Variants in RAI1 observed in about 807,000 individuals in gnomAD.
RAI1 encodes retinoic acid induced 1, also known as retinoic acid-induced protein 1.
A neutral mutation model predicts 123.8 loss-of-function variants in RAI1; 9 were observed. The observed-to-expected ratio is 0.07, with a 90% confidence interval of 0.04 to 0.13. The LOEUF is 0.13. Among genes scored for constraint, RAI1 ranks in the 10% least tolerant of loss-of-function variants. RAI1 has a pLI of 1.00. For synonymous variants in RAI1, 1,231 were observed against 1,127.3 expected (o/e 1.09, Z -1.84); for missense variants, 2,256 against 2,545.8 (o/e 0.89, Z 2.45).
chr17:17,759,288 G>C (rs949081283), intron 2 of RAI1: 1 of 152,218 alleles, frequency 6.6e-6, no homozygotes, highest in Non-Finnish European at 1.5e-5. Context: ...GGCCAACTAC[G>C]AGGAGTTGTC....
chr17:17,700,762 C>G (rs1410447344), intron 1 of RAI1, among the ~76,000 whole-genome samples: 1 of 152,154 alleles, frequency 6.6e-6, no homozygotes, highest in Non-Finnish European at 1.5e-5. Context: ...CGCCCTGCCT[C>G]GGCGGAGATC....
Position 17,801,953 on chromosome 17 carries a change from C to A in RAI1, c.5566-1803C>A. On this transcript the variant is annotated intron_variant, in intron 3 of 5. Coordinates refer to ENST00000353383, the MANE Select transcript of RAI1 (RefSeq NM_030665.4). The surrounding 1 kb of genome is among the most constrained non-coding windows in gnomAD (Gnocchi z 4.1). ...CCAGCCATGCCTGGCACATAGGAAG[C>A]TATTGTCGTTTGTTTCACTGGCTTC... is the stretch of plus-strand genomic sequence containing the variant. The A allele has an allele frequency of 2.4e-6, 1 of 420,066 alleles. No individual in the cohort carries two copies. 26.0% of individuals were successfully genotyped at this position (420,066 alleles called of 1,614,324 possible).
intron 1 of RAI1, among the ~76,000 whole-genome samples, chr17:17,711,181 T>TG (rs1375178485): frequency 1.3e-5 from 2 of 152,128 alleles, no homozygotes; most frequent in Admixed American, 6.5e-5. Context: ...TGCATGCAGG[T>TG]GGGGCGACTG....
intron 1 of RAI1, among the ~76,000 whole-genome samples, chr17:17,693,577 A>G (rs1215913226): frequency 6.6e-6 from 1 of 152,226 alleles, no homozygotes; most frequent in Non-Finnish European, 1.5e-5. Flanking sequence ...TCAAGGAGTG[A>G]TGGGGTTGCC....
intron 1 of RAI1, among the ~76,000 whole-genome samples, chr17:17,701,955 G>A (rs764372433): frequency 6.6e-6 from 1 of 152,234 alleles, no homozygotes; most frequent in East Asian, 1.9e-4. Flanking sequence ...GGGAGGCAGC[G>A]CTCGAAAGGA....
chr17:17,756,477 G>A (rs1324126200), intron 2 of RAI1, among the ~76,000 whole-genome samples: 1 of 152,182 alleles, frequency 6.6e-6, no homozygotes, highest in Non-Finnish European at 1.5e-5. Flanking sequence ...GATTACAGGT[G>A]TGAGCACTGC....
intron 2 of RAI1, among the ~76,000 whole-genome samples, chr17:17,790,343 G>A (rs912307945): frequency 6.6e-6 from 1 of 152,140 alleles, no homozygotes; most frequent in African/African-American, 2.4e-5. Flanking sequence ...GAGCATTTTT[G>A]CCTGCATTCT....
intron 4 of RAI1, among the ~76,000 whole-genome samples, chr17:17,807,756 CA>C (rs1229026412): frequency 6.6e-6 from 1 of 152,234 alleles, no homozygotes; most frequent in East Asian, 1.9e-4. Context: ...CCAGGCGTGC[CA>C]GGGGCAGGCC....
Position 17,797,289 on chromosome 17 carries a change from G to C in RAI1, c.4341G>C (p.Arg1447Ser). The change falls in exon 3 of 6, where the codon AGG becomes AGC. Residue 1447 changes from arginine to serine, a missense_variant. Arg to Ser is a moderately radical substitution (Grantham distance 110, BLOSUM62 -1). Coordinates refer to ENST00000353383, the MANE Select transcript of RAI1 (RefSeq NM_030665.4). ...PGGTALAPKK[R>S]SRKGRAGAHG... Reference sequence around the variant, plus strand: ...GGACTGCCCTGGCGCCTAAGAAGAGGAGCCGGAAAGGCCGGGCAGGGGCCC... The same window carrying C: ...GGACTGCCCTGGCGCCTAAGAAGAGCAGCCGGAAAGGCCGGGCAGGGGCCC... The C allele has an allele frequency of 6.2e-7, 1 of 1,612,852 alleles. No homozygotes were observed. The highest frequency in any genetic ancestry group is 2.2e-5 in the East Asian group (1 of 44,874).
intron 4 of RAI1, among the ~76,000 whole-genome samples, chr17:17,805,011 C>G (rs1423690487): frequency 6.6e-6 from 1 of 152,132 alleles, no homozygotes; most frequent in African/African-American, 2.4e-5. Flanking sequence ...TACAGGCGTG[C>G]ACCACCACGC....
chr17:17,731,567 G>C (rs1916273304), intron 2 of RAI1, among the ~76,000 whole-genome samples: 1 of 152,192 alleles, frequency 6.6e-6, no homozygotes, highest in African/African-American at 2.4e-5. Flanking sequence ...CTGGAGCAAA[G>C]TCTCGGCAGT....
chr17:17,794,191 A>G lies in RAI1; in HGVS notation c.1243A>G (p.Lys415Glu). Residue 415 changes from lysine (K) to glutamate (E), a missense_variant, in exon 3 of 6, where the codon AAG (lysine) becomes GAG (glutamate). Transcript: ENST00000353383. ...SSVDTQAGNCKPLQKDKLPEN... is the reference protein window; with the variant it reads ...SSVDTQAGNCEPLQKDKLPEN... ...TGTGGACACCCAGGCTGGCAACTGCAAGCCCCTTCAGAAGGACAAGCTCCC... is the reference window on the plus strand; with the variant it reads ...TGTGGACACCCAGGCTGGCAACTGCGAGCCCCTTCAGAAGGACAAGCTCCC... 6.2e-7 allele frequency: 1 copy of G among 1,613,662 alleles called. No individual in the cohort carries two copies.
In RAI1 at chr17:17,699,637, G is replaced by C. The variant is rs540807743; in HGVS notation, c.-149+17844G>C. Reference sequence around the variant, plus strand: ...ATCCATTGTCGGGGGGCCGGGGGGGGGGGAATCAAATGAATTGCCAGTGAG... The same window carrying C: ...ATCCATTGTCGGGGGGCCGGGGGGGCGGGAATCAAATGAATTGCCAGTGAG... On this transcript the variant is annotated intron_variant, in intron 1 of 5. Transcript: ENST00000353383. 9.0e-5 allele frequency among the ~76,000 whole-genome samples: 13 copies of C among 143,694 alleles called. No homozygotes were observed. In the South Asian group the frequency reaches 9.4e-4, roughly 10 times the overall value. 94.3% of individuals were successfully genotyped at this position (143,694 alleles called of 152,430 possible).
At position 17,794,875 on chromosome 17, in the gene RAI1, C is replaced by A; in HGVS notation, c.1927C>A (p.Leu643Met). Residue 643 changes from leucine (L) to methionine (M), a missense_variant, in exon 3 of 6, where the codon CTG becomes ATG. Physicochemically the swap from Leu to Met is conservative, Grantham distance 15 (BLOSUM62 2). Coordinates refer to ENST00000353383, the MANE Select transcript of RAI1 (RefSeq NM_030665.4). ...VKDSSKPPFS[L>M]ENHSACLDSV... ...GGACAGCAGCAAGCCACCCTTCTCG[C>A]TGGAGAACCACAGCGCCTGCCTGGA... 6.2e-7 allele frequency: 1 copy of A among 1,613,370 alleles called. No homozygotes were observed. Among genetic ancestry groups the A allele is most frequent in the Non-Finnish European group, 8.5e-7 (1 of 1,179,974 alleles).
chr17:17,743,335 A>G (rs1916704498), intron 2 of RAI1, among the ~76,000 whole-genome samples: 1 of 152,200 alleles, frequency 6.6e-6, no homozygotes, highest in African/African-American at 2.4e-5. Flanking sequence ...TAGGCACTTG[A>G]TAAATGGTAG....
rs554745105 is a variant in RAI1, at chr17:17,793,233, G to A, written c.285G>A (p.Pro95=). 4.8e-5 allele frequency: 78 copies of A among 1,611,468 alleles called. No individual in the cohort carries two copies. Among genetic ancestry groups the A allele is most frequent in the Admixed American group, 2.8e-4 (17 of 59,902 alleles). The change falls in exon 3 of 6, where the codon CCG becomes CCA. Residue 95 remains proline (P), a synonymous_variant. Coordinates refer to ENST00000353383, the MANE Select transcript of RAI1 (RefSeq NM_030665.4). ...CACAGCAAGGCCTGCAGGGGAGGCC[G>A]GCTTTCCCTGGCTACGGCGTCCAGG... ...LPTQQGLQGR[P]AFPGYGVQDS...
intron 1 of RAI1, among the ~76,000 whole-genome samples, chr17:17,682,072 G>T (rs1332023899): frequency 1.3e-5 from 2 of 149,994 alleles, no homozygotes; most frequent in East Asian, 2.0e-4. Context: ...CTGAGGTCGG[G>T]TGGGGGCATG....
rs369277048 is a variant in RAI1 at position 17,722,810 on chromosome 17, G to C, written c.-148-1218G>C. Among the ~76,000 whole-genome samples, 735 of 147,270 alleles carry C rather than the reference G, an allele frequency of 5.0e-3. 9 individuals carry two copies. Among genetic ancestry groups the C allele is most frequent in the African/African-American group, 0.019 (683 of 36,844 alleles). The stretch of plus-strand genomic sequence containing the variant: ...TGCGTCTCTGATGCGGCTAGGGGAG[G>C]CGCGCGATGAAGGCCCCCCTCTTCT... On this transcript the variant is annotated intron_variant, in intron 1 of 5. Transcript: ENST00000353383.
intron 1 of RAI1, among the ~76,000 whole-genome samples, chr17:17,686,104 C>T (rs183989368): frequency 1.0e-3 from 154 of 152,386 alleles, no homozygotes; most frequent in African/African-American, 3.6e-3. Context: ...CCTGAAAGCA[C>T]GTCTCCTTGC....
Sources: allele counts gnomAD v4.1 joint callset (sites outside exome capture counted in the v4.1 genomes callset), GRCh38; gene constraint gnomAD v4.1.1; non-coding constraint Gnocchi (gnomAD v3.1); transcripts MANE v1.5; gene names NCBI Gene and HGNC (gene_info 2026-07-23, HGNC 2026-07-21).